SNRPD1: variants seen among roughly 807,000 people sequenced by gnomAD.
The protein encoded by SNRPD1 is small nuclear ribonucleoprotein Sm D1.
Under a neutral mutation model 14.4 loss-of-function variants are expected in SNRPD1, and 1 was observed. That is an observed-to-expected ratio of 0.07 (90% CI 0.02 to 0.33). SNRPD1 has a LOEUF of 0.33. Ranked by LOEUF, SNRPD1 falls within the 10% of genes least tolerant of loss-of-function variation. The pLI is 1.00. For synonymous variants in SNRPD1, 42 were observed against 50.3 expected (o/e 0.83, Z 0.70); for missense variants, 52 against 146.4 (o/e 0.36, Z 3.33).
rs757318055 is a variant in SNRPD1 at position 21,622,144 on chromosome 18, CT to C, written c.15-568del. Reference sequence around the variant, plus strand: ...TTTTACCGACTGTAATTCTTTATTTCTTTTTTTTTTTTTGAGACGGAGTCTC... The same window carrying C: ...TTTTACCGACTGTAATTCTTTATTTCTTTTTTTTTTTTGAGACGGAGTCTC... On this transcript the variant is annotated intron_variant, in intron 1 of 3. Transcript: ENST00000300413. Among the ~76,000 whole-genome samples, 317 of 143,204 alleles carry C rather than the reference CT, an allele frequency of 2.2e-3. 1 individual carries two copies. The highest frequency in any genetic ancestry group is 2.8e-3 in the African/African-American group (111 of 39,432). The allele number at this position is 143,204 out of a possible 152,430, so 93.9% of individuals were successfully genotyped here. A position where few individuals can be genotyped will look rare whatever the true frequency, so the allele number is the denominator to read the frequency against.
Position 21,629,178 on chromosome 18 carries a change from T to C in SNRPD1, c.*40T>C. On this transcript the variant is annotated 3_prime_UTR_variant, in exon 4 of 4. Coordinates refer to ENST00000300413, the MANE Select transcript of SNRPD1 (RefSeq NM_006938.4). ...TCAAAGTCATATGAGATTTGGGATA[T>C]TTTTTGTACAGGTTGTGTTTGTTTA... 1 of 1,440,488 alleles carries C rather than the reference T, an allele frequency of 6.9e-7. No individual in the cohort carries two copies. The highest frequency in any genetic ancestry group is 1.7e-5 in the Admixed American group (1 of 59,764). The allele number at this position is 1,440,488 out of a possible 1,614,324, so 89.2% of individuals were successfully genotyped here. A position where few individuals can be genotyped will look rare whatever the true frequency, so the allele number is the denominator to read the frequency against.
At chr18:21,623,156 G>A (rs979809395) in intron 2 of SNRPD1, among the ~76,000 whole-genome samples, 4 of 151,724 alleles carry the variant, frequency 2.6e-5, no homozygotes, top group Non-Finnish European at 5.9e-5. Context: ...CACAATCTCA[G>A]GTCACTACAA....
At chr18:21,618,760 G>A (rs1214362316) in intron 1 of SNRPD1, among the ~76,000 whole-genome samples, 1 of 151,880 alleles carries the variant, frequency 6.6e-6, no homozygotes, top group Non-Finnish European at 1.5e-5. Context: ...TTATATCCCA[G>A]ACCAAGTAAT....
intron 3 of SNRPD1, among the ~76,000 whole-genome samples, chr18:21,625,219 C>T (rs1009074447): frequency 9.2e-5 from 14 of 151,610 alleles, no homozygotes; most frequent in Non-Finnish European, 5.9e-5. Flanking sequence ...TCATCTTACT[C>T]CACGCTTCTG....
intron 1 of SNRPD1, among the ~76,000 whole-genome samples, chr18:21,615,177 A>G (rs767083233): frequency 2.4e-4 from 37 of 152,252 alleles, no homozygotes; most frequent in Non-Finnish European, 4.8e-4. Flanking sequence ...TGCCTGCGCT[A>G]GAATTTCATA....
intron 1 of SNRPD1, among the ~76,000 whole-genome samples, chr18:21,619,060 T>C (rs998567881): frequency 1.8e-4 from 27 of 152,206 alleles, no homozygotes; most frequent in African/African-American, 5.5e-4. Context: ...TGTATGATAG[T>C]GTGGGGTTCA....
Position 21,612,459 on chromosome 18 carries a change from A to G in SNRPD1, c.14+16A>G, listed in dbSNP as rs895791736. On this transcript the variant is annotated intron_variant, in intron 1 of 3. Transcript: ENST00000300413. Reference sequence around the variant, plus strand: ...AGCTCGTGAGGTGAGGGAGTGACCAAGCAGCTCTGGGGGCTGTGAAGGGAG... The same window carrying G: ...AGCTCGTGAGGTGAGGGAGTGACCAGGCAGCTCTGGGGGCTGTGAAGGGAG... 2.0e-6 allele frequency: 3 copies of G among 1,538,406 alleles called. No individual in the cohort carries two copies. The highest frequency in any genetic ancestry group is 1.8e-5 in the Admixed American group (1 of 54,802).
chr18:21,618,405 G>A (rs963663730), intron 1 of SNRPD1, among the ~76,000 whole-genome samples: 1 of 148,214 alleles, frequency 6.7e-6, no homozygotes, highest in Non-Finnish European at 1.5e-5. Context: ...TTATTTTTAC[G>A]TATCTTTTAT....
At chr18:21,619,203 A>G (rs567302477) in intron 1 of SNRPD1, among the ~76,000 whole-genome samples, 2 of 152,174 alleles carry the variant, frequency 1.3e-5, no homozygotes, top group Admixed American at 1.3e-4. Context: ...TTTTTTTGAC[A>G]AAGTCTCACT....
chr18:21,629,718 G>A lies in SNRPD1; in HGVS notation c.*580G>A, dbSNP rs2039066438. The A allele has an allele frequency of 6.5e-6, 1 of 152,998 alleles. No homozygotes were observed. Among genetic ancestry groups the A allele is most frequent in the Non-Finnish European group, 1.5e-5 (1 of 68,596 alleles). The allele number at this position is 152,998 out of a possible 1,614,324, so 9.5% of individuals were successfully genotyped here. A position where few individuals can be genotyped will look rare whatever the true frequency, so the allele number is the denominator to read the frequency against. Reference sequence around the variant, plus strand: ...ACGTCCAGTTAGGCTACAGTTCTATGTACTGAGAAACCTTTAAGCTGAACT... The same window carrying A: ...ACGTCCAGTTAGGCTACAGTTCTATATACTGAGAAACCTTTAAGCTGAACT... On this transcript the variant is annotated 3_prime_UTR_variant, in exon 4 of 4. Transcript: ENST00000300413.
chr18:21,617,079 A>G (rs2038963264), intron 1 of SNRPD1, among the ~76,000 whole-genome samples: 1 of 152,022 alleles, frequency 6.6e-6, no homozygotes, highest in East Asian at 1.9e-4. Context: ...TTTTTTCTGT[A>G]TGGATTTCCA....
At chr18:21,615,052 A>G (rs1457059046) in intron 1 of SNRPD1, among the ~76,000 whole-genome samples, 2 of 152,174 alleles carry the variant, frequency 1.3e-5, no homozygotes, top group Admixed American at 6.6e-5. Flanking sequence ...ACCTAAACCC[A>G]TATCAACAGA....
chr18:21,613,402 T>G (rs1318122696), intron 1 of SNRPD1, among the ~76,000 whole-genome samples: 2 of 152,208 alleles, frequency 1.3e-5, no homozygotes, highest in African/African-American at 4.8e-5. Context: ...AAATAGTTAT[T>G]GGGCACCTGT....
Position 21,629,325 on chromosome 18 carries a change from G to A in SNRPD1, c.*187G>A, listed in dbSNP as rs2039063288. On this transcript the variant is annotated 3_prime_UTR_variant, in exon 4 of 4. Coordinates refer to ENST00000300413, the MANE Select transcript of SNRPD1 (RefSeq NM_006938.4). The stretch of plus-strand genomic sequence containing the variant: ...GAGAGCTAAGCATTTCTACTGGGCA[G>A]TTTCATTTTTAGTTGATCAGGTTTT... 2.0e-6 allele frequency: 1 copy of A among 491,616 alleles called. No individual in the cohort carries two copies. Among genetic ancestry groups the A allele is most frequent in the African/African-American group, 1.9e-5 (1 of 51,512 alleles). 30.5% of individuals were successfully genotyped at this position (491,616 alleles called of 1,614,324 possible).
In SNRPD1 at chr18:21,632,179, G is replaced by A. The variant is rs373526779; in HGVS notation, c.*3041G>A. 1 of 152,064 alleles carries A rather than the reference G, an allele frequency of 6.6e-6. No individual in the cohort carries two copies. Among genetic ancestry groups the A allele is most frequent in the Non-Finnish European group, 1.5e-5 (1 of 68,018 alleles). 9.4% of individuals were successfully genotyped at this position (152,064 alleles called of 1,614,324 possible). A position where few individuals can be genotyped will look rare whatever the true frequency, so the allele number is the denominator to read the frequency against. ...CATAAGAGATCTAAAATTACGTTTT[G>A]TCCTGGCATGGTGGCTCATGCCTGT... is the stretch of plus-strand genomic sequence containing the variant. On this transcript the variant is annotated 3_prime_UTR_variant, in exon 4 of 4. Coordinates refer to ENST00000300413, the MANE Select transcript of SNRPD1 (RefSeq NM_006938.4).
At chr18:21,622,897 C>T (rs964442863) in intron 2 of SNRPD1, 96 bp downstream of exon 2, 2 of 570,184 alleles carry the variant, frequency 3.5e-6, no homozygotes, top group Non-Finnish European at 6.3e-6. Flanking sequence ...TATTGTAGTA[C>T]AAATCCTTAT....
Position 21,631,631 on chromosome 18 carries a change from T to G in SNRPD1, c.*2493T>G, listed in dbSNP as rs1436088305. 6.6e-6 allele frequency: 1 copy of G among 151,808 alleles called. No homozygotes were observed. The highest frequency in any genetic ancestry group is 2.4e-5 in the African/African-American group (1 of 41,276). The allele number at this position is 151,808 out of a possible 1,614,324, so 9.4% of individuals were successfully genotyped here. On this transcript the variant is annotated 3_prime_UTR_variant, in exon 4 of 4. Transcript: ENST00000300413. Reference sequence around the variant, plus strand: ...TTTTGTCTTTTTAGTAGAGACGGGGTTTCACTGTGTTAGGATGGTCTCGTT... The same window carrying G: ...TTTTGTCTTTTTAGTAGAGACGGGGGTTCACTGTGTTAGGATGGTCTCGTT...
At chr18:21,624,102 C>G (rs898830389) in intron 3 of SNRPD1, among the ~76,000 whole-genome samples, 163 bp downstream of exon 3, 2 of 152,194 alleles carry the variant, frequency 1.3e-5, no homozygotes, top group East Asian at 1.9e-4. Context: ...ATTGAGCAAC[C>G]GGACGCAGTG....
At chr18:21,614,560 A>G (rs2146255244) in intron 1 of SNRPD1, among the ~76,000 whole-genome samples, 1 of 152,256 alleles carries the variant, frequency 6.6e-6, no homozygotes, top group South Asian at 2.1e-4. Context: ...TCTGTATCTC[A>G]GTTGGCAGCA....
Sources: allele counts gnomAD v4.1 joint callset (sites outside exome capture counted in the v4.1 genomes callset), GRCh38; gene constraint gnomAD v4.1.1; transcripts MANE v1.5; gene names NCBI Gene and HGNC (gene_info 2026-07-23, HGNC 2026-07-21).